PGM3: variants seen among roughly 807,000 people sequenced by gnomAD.
The protein encoded by PGM3 is phosphoacetylglucosamine mutase.
PGM3 carries 40 observed loss-of-function variants against 66.2 expected under a neutral mutation model. That is an observed-to-expected ratio of 0.60 (90% CI 0.47 to 0.79). The LOEUF is 0.79. Ranked by LOEUF, PGM3 falls within the 30% of genes least tolerant of loss-of-function variation. PGM3 has a pLI of 0.00. For synonymous variants in PGM3, 191 were observed against 224.2 expected, an observed-to-expected ratio of 0.85 and a Z score of 1.32; for missense variants, 537 against 643.4, an observed-to-expected ratio of 0.83 and a Z score of 1.79.
Position 83,179,821 on chromosome 6 carries a change from G to C in PGM3, c.934C>G (p.Leu312Val), listed in dbSNP as rs1400948904. 3 of 1,608,472 alleles carry C rather than the reference G, an allele frequency of 1.9e-6. No individual in the cohort carries two copies. Among genetic ancestry groups the C allele is most frequent in the Non-Finnish European group, 2.5e-6 (3 of 1,177,248 alleles). ...ATLISSFLKE[L>V]LVEIGESLNI... ...TCCCCCCACCATACCTCCACCAGGA[G>C]CTCTTTAAGGAAACTGCTAATTAAC... The change falls in exon 7 of 13, where the codon CTC becomes GTC. Residue 312 changes from leucine to valine, a missense_variant. By Grantham distance (32) the Leu-to-Val change is conservative (BLOSUM62 1). Coordinates refer to ENST00000513973, the MANE Select transcript of PGM3 (RefSeq NM_015599.3).
chr6:83,154,851 T>C, the PGM3 span, among the ~76,000 whole-genome samples: 1 of 152,346 alleles, frequency 6.6e-6, no homozygotes, highest in Admixed American at 6.5e-5. Flanking sequence ...TAACATTGTA[T>C]GATTCTGTAA....
At position 83,166,291 on chromosome 6, in the gene PGM3, T is replaced by C; in HGVS notation, c.*2943A>G. 1.7e-6 allele frequency: 1 copy of C among 604,970 alleles called. No individual in the cohort carries two copies. The highest frequency in any genetic ancestry group is 2.8e-5 in the East Asian group (1 of 35,730). The allele number at this position is 604,970 out of a possible 1,614,324, so 37.5% of individuals were successfully genotyped here. On this transcript the variant is annotated 3_prime_UTR_variant, in exon 13 of 13. Coordinates refer to ENST00000513973, the MANE Select transcript of PGM3 (RefSeq NM_015599.3). ...ATAGTTGTAAGAGGATCAGCTTCGA[T>C]GATGTTCTCAATTGGTCATTATCAA...
rs1786679384 is a variant in PGM3, at chr6:83,169,684, ACT to A, written c.1540-363_1540-362del. The stretch of plus-strand genomic sequence containing the variant: ...CTCATCCATCATGGATATTCATTAG[ACT>A]CTGAGATGGCTTAAGCTTCTGCAGG... On this transcript the variant is annotated intron_variant, in intron 12 of 12. Transcript: ENST00000513973. 7 of 462,488 alleles carry A rather than the reference ACT, an allele frequency of 1.5e-5. 1 individual carries two copies. Among genetic ancestry groups the A allele is most frequent in the Admixed American group, 1.4e-4 (6 of 42,758 alleles). The allele number at this position is 462,488 out of a possible 1,614,324, so 28.6% of individuals were successfully genotyped here. A position where few individuals can be genotyped will look rare whatever the true frequency, so the allele number is the denominator to read the frequency against.
At chr6:83,159,261 A>G (rs1783617663), downstream of PGM3, among the ~76,000 whole-genome samples, 1 of 152,102 alleles carries the variant, frequency 6.6e-6, no homozygotes, top group South Asian at 2.1e-4. Context: ...ATATTTCTTG[A>G]ACATAATATA....
intron 9 of PGM3, 140 bp downstream of exon 9, chr6:83,175,822 A>G (rs565713579): frequency 3.5e-6 from 2 of 578,648 alleles, no homozygotes; most frequent in East Asian, 2.8e-5. Context: ...ACATCAATAT[A>G]TAAGATAACC....
At chr6:83,182,711 G>T in intron 5 of PGM3, 134 bp downstream of exon 5, 1 of 835,698 alleles carries the variant, frequency 1.2e-6, no homozygotes, top group Non-Finnish European at 1.9e-6. Context: ...TAGCCCTAGA[G>T]AAAAACAAAA....
At chr6:83,183,250 T>C (rs995432165) in intron 4 of PGM3, among the ~76,000 whole-genome samples, 1 of 152,156 alleles carries the variant, frequency 6.6e-6, no homozygotes, top group Non-Finnish European at 1.5e-5. Context: ...GCAAACTACA[T>C]AATTCAGATG....
chr6:83,170,573 A>T (rs1174362477), intron 11 of PGM3, 95 bp from the exon 12 acceptor site: 6 of 925,406 alleles, frequency 6.5e-6, no homozygotes, highest in Non-Finnish European at 9.8e-6. Flanking sequence ...GCCAGACTAA[A>T]TATAAAATTA....
chr6:83,165,928 C>A lies in PGM3; in HGVS notation c.*3306G>T. 2.6e-6 allele frequency: 1 copy of A among 388,672 alleles called. No homozygotes were observed. Among genetic ancestry groups the A allele is most frequent in the South Asian group, 2.1e-5 (1 of 48,358 alleles). The allele number at this position is 388,672 out of a possible 1,614,324, so 24.1% of individuals were successfully genotyped here. ...CTGGATTCAGAAAGCTGTAGTGGAT[C>A]AGACTGGCAGCAAACCACCAAACAA... On this transcript the variant is annotated 3_prime_UTR_variant, in exon 13 of 13. Coordinates refer to ENST00000513973, the MANE Select transcript of PGM3 (RefSeq NM_015599.3).
chr6:83,182,659 C>G (rs745694330), intron 5 of PGM3, among the ~76,000 whole-genome samples, 186 bp downstream of exon 5: 3 of 152,096 alleles, frequency 2.0e-5, no homozygotes, highest in Non-Finnish European at 4.4e-5. Flanking sequence ...GCCAAGTAAA[C>G]GCCAATGTAA....
intron 1 of PGM3, among the ~76,000 whole-genome samples, chr6:83,191,958 C>CAAAA (rs1219337174): frequency 3.3e-4 from 13 of 39,354 alleles, no homozygotes; most frequent in African/African-American, 4.1e-4. Flanking sequence ...GACTCGGTCT[C>CAAAA]AAAAAAAAAA....
intron 3 of PGM3, 34 bp downstream of exon 3, chr6:83,188,580 G>A (rs767637787): frequency 6.8e-7 from 1 of 1,479,078 alleles, no homozygotes. Context: ...CGTTCCCAAA[G>A]GTTTTTTTTT....
At chr6:83,160,596 T>C (rs1472873109), downstream of PGM3, among the ~76,000 whole-genome samples, 1 of 152,120 alleles carries the variant, frequency 6.6e-6, no homozygotes, top group Non-Finnish European at 1.5e-5. Flanking sequence ...AAGCCTAGAA[T>C]GAAGGAGGCA....
chr6:83,186,436 G>T (rs1050487807), intron 4 of PGM3, among the ~76,000 whole-genome samples: 2 of 152,118 alleles, frequency 1.3e-5, no homozygotes, highest in East Asian at 3.9e-4. Flanking sequence ...AAGAGTGGAC[G>T]TTTGTTTTAA....
chr6:83,166,815 A>C lies in PGM3; in HGVS notation c.*2419T>G. 9.8e-7 allele frequency: 1 copy of C among 1,017,498 alleles called. No homozygotes were observed. The allele number at this position is 1,017,498 out of a possible 1,614,324, so 63.0% of individuals were successfully genotyped here. ...GTGATATTAAATTATTAGGTAAACA[A>C]TGAAAGTTTCTGAGCAACATCTGAT... On this transcript the variant is annotated 3_prime_UTR_variant, in exon 13 of 13. Coordinates refer to ENST00000513973, the MANE Select transcript of PGM3 (RefSeq NM_015599.3).
chr6:83,182,774 A>G (rs565885757), intron 5 of PGM3, 71 bp downstream of exon 5: 1 of 1,380,392 alleles, frequency 7.2e-7, no homozygotes, highest in South Asian at 1.2e-5. Flanking sequence ...GACAAACAAG[A>G]TAATTTGTTC....
downstream of PGM3, among the ~76,000 whole-genome samples, chr6:83,161,649 A>G (rs191510419): frequency 7.2e-5 from 11 of 152,362 alleles, no homozygotes; most frequent in Admixed American, 2.0e-4. Context: ...GATTAAAATT[A>G]TAGATAACCA....
At chr6:83,193,293 C>G (rs1205483312), upstream of PGM3, 1 of 152,310 alleles carries the variant, frequency 6.6e-6, no homozygotes, top group Non-Finnish European at 1.5e-5. Flanking sequence ...GCTTCCGGCT[C>G]GTCGCCACGC....
At chr6:83,164,761 T>G, downstream of PGM3, 1 of 1,513,088 alleles carries the variant, frequency 6.6e-7, no homozygotes, top group Non-Finnish European at 9.0e-7. Context: ...GCAGCAAAAG[T>G]TGCCAAATAT....
Sources: gnomAD v4.1 joint callset for allele counts (sites outside exome capture counted in the v4.1 genomes callset) on GRCh38, gnomAD v4.1.1 for gene constraint, MANE v1.5 for transcripts, NCBI Gene and HGNC (gene_info 2026-07-23, HGNC 2026-07-21) for gene names.